Variants in TM9SF3 observed in about 807,000 individuals in gnomAD.
The protein encoded by TM9SF3 is SM-11044-binding protein.
TM9SF3 carries 14 observed loss-of-function variants against 78.6 expected under a neutral mutation model. The ratio of observed to expected loss-of-function variants is 0.18; its 90% CI spans 0.12 to 0.28. The LOEUF is 0.28. Among genes scored for constraint, TM9SF3 ranks in the 10% least tolerant of loss-of-function variants. The pLI, the probability that TM9SF3 is intolerant of heterozygous loss-of-function variation, is 1.00. For synonymous variants in TM9SF3, 231 were observed against 241.7 expected, an observed-to-expected ratio of 0.96 and a Z score of 0.41; for missense variants, 496 against 721.9, an observed-to-expected ratio of 0.69 and a Z score of 3.59.
At chr10:96,544,684 T>C (rs1202383811) in intron 8 of TM9SF3, among the ~76,000 whole-genome samples, 4 of 152,270 alleles carry the variant, frequency 2.6e-5, no homozygotes, top group Non-Finnish European at 4.4e-5. Flanking sequence ...CAGTTACACA[T>C]TGGAGTTTCA....
At chr10:96,559,032 C>T (rs937391339) in intron 5 of TM9SF3, among the ~76,000 whole-genome samples, 7 of 152,172 alleles carry the variant, frequency 4.6e-5, no homozygotes, top group African/African-American at 1.7e-4. Flanking sequence ...AACTAAAATT[C>T]AGCAAGTATC....
intron 9 of TM9SF3, 56 bp from the exon 10 acceptor site, chr10:96,533,246 CAAAT>C (rs1253871639): frequency 1.3e-6 from 2 of 1,539,850 alleles, no homozygotes; most frequent in African/African-American, 1.4e-5. Context: ...TTAATATAAA[CAAAT>C]AAAAGAGACA....
intron 8 of TM9SF3, among the ~76,000 whole-genome samples, chr10:96,546,814 A>G (rs1320845919): frequency 6.6e-6 from 1 of 152,236 alleles, no homozygotes; most frequent in Non-Finnish European, 1.5e-5. Flanking sequence ...GTCTACTAAA[A>G]GAAGGCAGGA....
rs1375015771 is a variant in TM9SF3, at chr10:96,586,967, G to A, written c.-132C>T. Reference sequence around the variant, plus strand: ...GGACAGACGCACGGGGCCCGGCCCAGCCGCTGCCTCCTCTGCCGCCGCCGT... The same window carrying A: ...GGACAGACGCACGGGGCCCGGCCCAACCGCTGCCTCCTCTGCCGCCGCCGT... On this transcript the variant is annotated 5_prime_UTR_variant, in exon 1 of 15. Coordinates refer to ENST00000371142, the MANE Select transcript of TM9SF3 (RefSeq NM_020123.4). 1.8e-5 allele frequency: 12 copies of A among 678,790 alleles called. No individual in the cohort carries two copies. Among genetic ancestry groups the A allele is most frequent in the Non-Finnish European group, 1.9e-5 (10 of 516,204 alleles). 42.0% of individuals were successfully genotyped at this position (678,790 alleles called of 1,614,324 possible). A position where few individuals can be genotyped will look rare whatever the true frequency, so the allele number is the denominator to read the frequency against.
chr10:96,523,751 C>G (rs1252543952), intron 14 of TM9SF3, among the ~76,000 whole-genome samples: 1 of 151,762 alleles, frequency 6.6e-6, no homozygotes, highest in Non-Finnish European at 1.5e-5. Context: ...CTGGAAAATT[C>G]TACAGAAATT....
At chr10:96,574,385 T>C (rs911435341) in intron 2 of TM9SF3, among the ~76,000 whole-genome samples, 1 of 152,132 alleles carries the variant, frequency 6.6e-6, no homozygotes, top group Non-Finnish European at 1.5e-5. Flanking sequence ...TACTACCTTA[T>C]ACCAGTTAGA....
chr10:96,524,991 G>A (rs1426280857), intron 14 of TM9SF3, among the ~76,000 whole-genome samples: 3 of 151,922 alleles, frequency 2.0e-5, no homozygotes, highest in South Asian at 2.1e-4. Context: ...ATTTCAGCAG[G>A]AAAAGCACTC....
At chr10:96,573,338 C>A (rs559758925) in intron 2 of TM9SF3, among the ~76,000 whole-genome samples, 1 of 152,244 alleles carries the variant, frequency 6.6e-6, no homozygotes, top group South Asian at 2.1e-4. Flanking sequence ...GGCTAAGTGA[C>A]AACCTACAAC....
At position 96,518,869 on chromosome 10, in the gene TM9SF3, T is replaced by C. The variant is rs886621722; in HGVS notation, c.*3394A>G. Reference sequence around the variant, plus strand: ...ATTGATAGTTTCATAACTATAGAATTTTAGTGAAGATATAAAACATTAATG... The same window carrying C: ...ATTGATAGTTTCATAACTATAGAATCTTAGTGAAGATATAAAACATTAATG... On this transcript the variant is annotated 3_prime_UTR_variant, in exon 15 of 15. Transcript: ENST00000371142. 1.3e-5 allele frequency: 2 copies of C among 152,014 alleles called. No individual in the cohort carries two copies. The highest frequency in any genetic ancestry group is 4.8e-5 in the African/African-American group (2 of 41,402). 9.4% of individuals were successfully genotyped at this position (152,014 alleles called of 1,614,324 possible).
chr10:96,584,453 T>G (rs1028733889), intron 1 of TM9SF3, among the ~76,000 whole-genome samples: 3 of 152,240 alleles, frequency 2.0e-5, no homozygotes, highest in Non-Finnish European at 4.4e-5. Context: ...CATTTGAATT[T>G]TATGCTTATT....
In TM9SF3 at chr10:96,559,645, C is replaced by T. The variant is rs774660572; in HGVS notation, c.660+14G>A. 9.0e-6 allele frequency: 14 copies of T among 1,556,314 alleles called. No homozygotes were observed. The South Asian group carries it at 1.3e-4, about 15-fold the overall frequency. The stretch of plus-strand genomic sequence containing the variant: ...TGCACATAATCAATGTCTTAAAATA[C>T]ACTATTTACCTACCCGATGTTGAAA... On this transcript the variant is annotated intron_variant, in intron 5 of 14. Transcript: ENST00000371142.
At chr10:96,526,514 A>G (rs1396357803) in intron 14 of TM9SF3, among the ~76,000 whole-genome samples, 1 of 152,070 alleles carries the variant, frequency 6.6e-6, no homozygotes, top group African/African-American at 2.4e-5. Flanking sequence ...TTTTCTAGCT[A>G]TTTCACACAT....
At chr10:96,533,305 A>G (rs1564929018) in intron 9 of TM9SF3, 115 bp from the exon 10 acceptor site, 5 of 1,280,752 alleles carry the variant, frequency 3.9e-6, no homozygotes, top group South Asian at 3.1e-5. Context: ...TTTAAGTTCA[A>G]TATGAGCTAA....
intron 11 of TM9SF3, among the ~76,000 whole-genome samples, chr10:96,529,850 A>G (rs1459347050): frequency 1.3e-5 from 2 of 152,212 alleles, no homozygotes; most frequent in African/African-American, 4.8e-5. Context: ...TTAAGTTGTC[A>G]CAATGACTGG....
intron 7 of TM9SF3, among the ~76,000 whole-genome samples, chr10:96,548,690 C>A (rs970754992): frequency 1.3e-5 from 2 of 149,454 alleles, no homozygotes; most frequent in Admixed American, 1.4e-4. Flanking sequence ...TCCAATTACT[C>A]GAGAGGCTGA....
chr10:96,561,891 A>C, intron 4 of TM9SF3, 87 bp downstream of exon 4: 1 of 1,111,932 alleles, frequency 9.0e-7, no homozygotes, highest in Non-Finnish European at 1.3e-6. Flanking sequence ...TTCAAGCTAC[A>C]TTTTCATTTA....
intron 1 of TM9SF3, among the ~76,000 whole-genome samples, chr10:96,580,888 G>A (rs1164463717): frequency 6.6e-6 from 1 of 152,014 alleles, no homozygotes; most frequent in African/African-American, 2.4e-5. Flanking sequence ...CAAAACTAAA[G>A]AACAGAGATG....
At chr10:96,578,627 T>C (rs1222119290) in intron 1 of TM9SF3, among the ~76,000 whole-genome samples, 1 of 152,330 alleles carries the variant, frequency 6.6e-6, no homozygotes, top group East Asian at 1.9e-4. Flanking sequence ...GACAAATATA[T>C]GTATGCCCCC....
In TM9SF3 at chr10:96,540,769, C is replaced by CTTTTTTTTT. The variant is rs68126103; in HGVS notation, c.1185+3298_1185+3306dup. The stretch of plus-strand genomic sequence containing the variant: ...CTAACATTGGTTTTATATTACCTTT[C>CTTTTTTTTT]TTTTTTTTTTTTTTTTTTTTTTTTT... On this transcript the variant is annotated intron_variant, in intron 9 of 14. Transcript: ENST00000371142. 1.6e-3 allele frequency among the ~76,000 whole-genome samples: 81 copies of CTTTTTTTTT among 51,328 alleles called. 5 individuals are homozygous for CTTTTTTTTT. Among genetic ancestry groups the CTTTTTTTTT allele is most frequent in the African/African-American group, 1.9e-3 (23 of 12,230 alleles). 33.7% of individuals were successfully genotyped at this position (51,328 alleles called of 152,430 possible). A position where few individuals can be genotyped will look rare whatever the true frequency, so the allele number is the denominator to read the frequency against.
Sources: allele counts gnomAD v4.1 joint callset (sites outside exome capture counted in the v4.1 genomes callset), GRCh38; gene constraint gnomAD v4.1.1; transcripts MANE v1.5; gene names NCBI Gene and HGNC (gene_info 2026-07-23, HGNC 2026-07-21).